F5: variants seen among roughly 807,000 people sequenced by gnomAD.
F5 encodes the protein activated protein c cofactor.
A neutral mutation model predicts 216.4 loss-of-function variants in F5; 138 were observed. The ratio of observed to expected loss-of-function variants is 0.64; its 90% CI spans 0.56 to 0.73. The LOEUF (loss-of-function observed/expected upper bound fraction) is 0.73, where lower values mean the gene tolerates loss of function less well. Among genes scored for constraint, F5 ranks in the 30% least tolerant of loss-of-function variants. The pLI is 0.00. For missense variants in F5, 2,403 were observed against 2,674.0 expected, an observed-to-expected ratio of 0.90 and a Z score of 2.24; for synonymous variants, 916 against 930.7, an observed-to-expected ratio of 0.98 and a Z score of 0.29.
intron 13 of F5, among the ~76,000 whole-genome samples, chr1:169,537,758 G>A (rs1203033398): frequency 6.6e-6 from 1 of 152,028 alleles, no homozygotes; most frequent in Non-Finnish European, 1.5e-5. Flanking sequence ...TCAGAGAAAT[G>A]CAATTTAAAA....
chr1:169,514,266 T>C lies in F5; in HGVS notation c.*47A>G, dbSNP rs1396683407. The C allele has an allele frequency of 1.3e-6, 2 of 1,587,232 alleles. No individual in the cohort carries two copies. On this transcript the variant is annotated 3_prime_UTR_variant, in exon 25 of 25. Coordinates refer to ENST00000367797, the MANE Select transcript of F5 (RefSeq NM_000130.5). ...AAAATACATTGCCCATTCTAAATGG[T>C]TTGAGGTCTTAAAGAGTCTCTTCCA...
At chr1:169,580,280 C>T (rs1326313637) in intron 2 of F5, among the ~76,000 whole-genome samples, 1 of 152,120 alleles carries the variant, frequency 6.6e-6, no homozygotes, top group African/African-American at 2.4e-5. Context: ...TAGGTTATCC[C>T]CAATAGCTGA....
Position 169,555,302 on chromosome 1 carries a change from G to GT in F5, c.997dup (p.Thr333AsnfsTer5). 2 of 1,613,998 alleles carry GT rather than the reference G, an allele frequency of 1.2e-6. No individual in the cohort carries two copies. The highest frequency in any genetic ancestry group is 1.7e-6 in the Non-Finnish European group (2 of 1,179,980). ...ACGAGTTATTTTCTTAAGATTCCTG[G>GT]TTTTCTTTGGGCAGTTTTTAATGTC... On this transcript the variant is annotated frameshift_variant, in exon 7 of 25. Transcript: ENST00000367797. LOFTEE classifies it high-confidence loss of function.
chr1:169,540,395 G>C lies in F5; in HGVS notation c.4695C>G (p.Asp1565Glu). ...RTNINSSRDP[D>E]NIAAWYLRSN... is the part of the protein sequence containing the mutation. ...TGCGGAGGTACCATGCTGCAATGTT[G>C]TCAGGATCTCTGGAGGAGTTGATGT... Residue 1565 changes from aspartate to glutamate, a missense_variant, in exon 13 of 25, where the codon GAC becomes GAG. Asp to Glu is a conservative substitution (Grantham distance 45, BLOSUM62 2). This residue lies in a region of F5 where 293 missense variants were observed against 270.8 expected (regional missense o/e 1.08). Transcript: ENST00000367797. 1 of 1,614,012 alleles carries C rather than the reference G, an allele frequency of 6.2e-7. No homozygotes were observed. The highest frequency in any genetic ancestry group is 8.5e-7 in the Non-Finnish European group (1 of 1,179,944).
At chr1:169,531,087 A>G (rs545696693) in intron 14 of F5, 65 bp from the exon 15 acceptor site, 90 of 1,215,824 alleles carry the variant, frequency 7.4e-5, no homozygotes, top group Non-Finnish European at 1.0e-4. Context: ...CAAAAATGTC[A>G]GCATTATAAG....
intron 23 of F5, among the ~76,000 whole-genome samples, chr1:169,517,191 T>C (rs1284241277): frequency 2.6e-5 from 4 of 152,220 alleles, no homozygotes; most frequent in African/African-American, 7.2e-5. Context: ...GCCTGTTTAC[T>C]GGGAGAATGG....
intron 23 of F5, among the ~76,000 whole-genome samples, chr1:169,516,315 G>A (rs1659153883): frequency 6.6e-6 from 1 of 152,166 alleles, no homozygotes; most frequent in Admixed American, 6.6e-5. Context: ...TATGTGTTTG[G>A]AGAAAGATCA....
Position 169,544,429 on chromosome 1 carries a change from A to G in F5, c.1842T>C (p.Ser614=), listed in dbSNP as rs1557917526. Residue 614 remains serine, a synonymous_variant, in exon 12 of 25, where the codon AGT becomes AGC. Transcript: ENST00000367797. ...FDDTVQWHFC[S]VGTQNEILTI... ...TCAAAATTTCATTCTGGGTCCCCAC[A>G]CTACAGAAGTGCCACTGGACAGTGT... 6.2e-7 allele frequency: 1 copy of G among 1,614,162 alleles called. No homozygotes were observed. Among genetic ancestry groups the G allele is most frequent in the Non-Finnish European group, 8.5e-7 (1 of 1,180,010 alleles).
intron 14 of F5, among the ~76,000 whole-genome samples, chr1:169,532,389 G>C (rs544307093): frequency 6.6e-6 from 1 of 152,174 alleles, no homozygotes; most frequent in Non-Finnish European, 1.5e-5. Flanking sequence ...AACCAAAGAA[G>C]AAAAGAAGTT....
chr1:169,553,089 C>G (rs1660211309), intron 7 of F5, among the ~76,000 whole-genome samples: 1 of 152,194 alleles, frequency 6.6e-6, no homozygotes, highest in Non-Finnish European at 1.5e-5. Flanking sequence ...ATCACTTATT[C>G]TATGATAGCC....
At chr1:169,521,070 A>G (rs1209915341) in intron 21 of F5, among the ~76,000 whole-genome samples, 1 of 152,154 alleles carries the variant, frequency 6.6e-6, no homozygotes, top group Non-Finnish European at 1.5e-5. Context: ...AAAAAGCCCA[A>G]ATAAAATCTG....
intron 3 of F5, among the ~76,000 whole-genome samples, chr1:169,562,966 C>G (rs1310489664): frequency 6.6e-6 from 1 of 152,024 alleles, no homozygotes; most frequent in African/African-American, 2.4e-5. Flanking sequence ...TTTCTTCTAT[C>G]TAAAGGAGTT....
Position 169,514,337 on chromosome 1 carries a change from T to C in F5, c.6651A>G (p.Glu2217=), listed in dbSNP as rs561026191. 1.3e-4 allele frequency: 204 copies of C among 1,612,838 alleles called. 3 individuals carry two copies. In the South Asian group the frequency reaches 2.1e-3, roughly 17 times the overall value. Residue 2217 remains glutamate, a synonymous_variant, in exon 25 of 25, where the codon GAA becomes GAG. Transcript: ENST00000367797. ...TCTAGTAAATATCACAGCCAAAGAG[T>C]TCCAGGCGAAGTGCAATACTTTGAT... The part of the protein sequence containing the change: ...TWNQSIALRL[E]LFGCDIY
intron 11 of F5, 109 bp from the exon 12 acceptor site, chr1:169,544,617 G>T: frequency 1.1e-6 from 1 of 919,930 alleles, no homozygotes; most frequent in Non-Finnish European, 1.7e-6. Context: ...TGTCAAAGCA[G>T]TGATTATCCA....
rs374301361 is a variant in F5 at position 169,549,969 on chromosome 1, A to G, written c.1443T>C (p.Tyr481=). Residue 481 remains tyrosine (Y), a synonymous_variant, in exon 10 of 25, where the codon TAT becomes TAC. Coordinates refer to ENST00000367797, the MANE Select transcript of F5 (RefSeq NM_000130.5). Reference sequence around the variant, plus strand: ...ACTCTAAGATGTTCCACTTATAAGTATAGGTTTCCCCTGGTTGAACTGCTC... The same window carrying G: ...ACTCTAAGATGTTCCACTTATAAGTGTAGGTTTCCCCTGGTTGAACTGCTC... ...MIRAVQPGET[Y]TYKWNILEFD... 1.9e-6 allele frequency: 3 copies of G among 1,614,166 alleles called. No homozygotes were observed. The highest frequency in any genetic ancestry group is 2.5e-6 in the Non-Finnish European group (3 of 1,180,020).
Position 169,514,239 on chromosome 1 carries a change from G to A in F5, c.*74C>T, listed in dbSNP as rs750633584. ...GAAAACTGTTAACATTTAACACAGCGTAAAATACATTGCCCATTCTAAATG... is the reference window on the plus strand; with the variant it reads ...GAAAACTGTTAACATTTAACACAGCATAAAATACATTGCCCATTCTAAATG... On this transcript the variant is annotated 3_prime_UTR_variant, in exon 25 of 25. Transcript: ENST00000367797. 7.6e-6 allele frequency: 11 copies of A among 1,441,786 alleles called. No individual in the cohort carries two copies. The highest frequency in any genetic ancestry group is 1.1e-5 in the Non-Finnish European group (11 of 1,024,318). The allele number at this position is 1,441,786 out of a possible 1,614,324, so 89.3% of individuals were successfully genotyped here.
Position 169,514,208 on chromosome 1 carries a change from A to T in F5, c.*105T>A, listed in dbSNP as rs1659102024. The T allele has an allele frequency of 8.4e-7, 1 of 1,196,074 alleles. No individual in the cohort carries two copies. The highest frequency in any genetic ancestry group is 1.9e-4 in the Middle Eastern group (1 of 5,154). The allele number at this position is 1,196,074 out of a possible 1,614,324, so 74.1% of individuals were successfully genotyped here. A position where few individuals can be genotyped will look rare whatever the true frequency, so the allele number is the denominator to read the frequency against. On this transcript the variant is annotated 3_prime_UTR_variant, in exon 25 of 25. Transcript: ENST00000367797. ...ATTCACTAATAGAAAAGAAAGAGAA[A>T]TAGTGGAAAACTGTTAACATTTAAC...
intron 19 of F5, among the ~76,000 whole-genome samples, chr1:169,524,492 G>T (rs1440482933): frequency 6.6e-6 from 1 of 152,146 alleles, no homozygotes; most frequent in Non-Finnish European, 1.5e-5. Flanking sequence ...ATAAGAGTAA[G>T]GTATCTGATC....
intron 3 of F5, among the ~76,000 whole-genome samples, chr1:169,561,184 T>C (rs1187194042): frequency 6.6e-6 from 1 of 152,120 alleles, no homozygotes; most frequent in African/African-American, 2.4e-5. Flanking sequence ...GCTGTTTATG[T>C]ATTATTTTGT....
Sources: allele counts gnomAD v4.1 joint callset (sites outside exome capture counted in the v4.1 genomes callset), GRCh38; gene constraint gnomAD v4.1.1; regional missense constraint gnomAD v4.1.1; transcripts MANE v1.5; gene names NCBI Gene and HGNC (gene_info 2026-07-23, HGNC 2026-07-21).